Variants in ADORA2B observed in about 807,000 individuals in gnomAD.
ADORA2B encodes adenosine A2b receptor.
Under a neutral mutation model 20.8 loss-of-function variants are expected in ADORA2B, and 18 were observed. That is an observed-to-expected ratio of 0.87 (90% CI 0.60 to 1.29). The LOEUF (loss-of-function observed/expected upper bound fraction) is 1.29, where lower values mean the gene tolerates loss of function less well. Ranked by LOEUF, ADORA2B falls within the 50% of genes most tolerant of loss-of-function variation. ADORA2B has a pLI of 0.00. For synonymous variants in ADORA2B, 179 were observed against 178.3 expected (o/e 1.00, Z -0.03); for missense variants, 441 against 422.7 (o/e 1.04, Z -0.38).
the ADORA2B span, among the ~76,000 whole-genome samples, chr17:15,909,805 G>A: frequency 6.6e-6 from 1 of 152,170 alleles, no homozygotes; most frequent in Non-Finnish European, 1.5e-5. Flanking sequence ...CATCAGCATG[G>A]GAAAAAGAAG....
At chr17:15,952,002 G>A (rs1969910452) in intron 1 of ADORA2B, among the ~76,000 whole-genome samples, 1 of 152,240 alleles carries the variant, frequency 6.6e-6, no homozygotes, top group Non-Finnish European at 1.5e-5. Context: ...GAGCAGCACA[G>A]CCAGGGAAAC....
At chr17:15,937,575 C>A in the ADORA2B span, among the ~76,000 whole-genome samples, 78 of 151,314 alleles carry the variant, frequency 5.2e-4, no homozygotes, top group African/African-American at 1.8e-3. Flanking sequence ...TTTTCCTTTT[C>A]TTTTCTTTTT....
At chr17:15,926,279 TGGCAGG>T in the ADORA2B span, among the ~76,000 whole-genome samples, 22 of 151,942 alleles carry the variant, frequency 1.4e-4, no homozygotes, top group Non-Finnish European at 2.4e-4. Context: ...GCTCACACTC[TGGCAGG>T]GGACGCAGAC....
chr17:15,942,060 G>T (rs939687990), upstream of ADORA2B, among the ~76,000 whole-genome samples: 8 of 152,292 alleles, frequency 5.3e-5, no homozygotes, highest in African/African-American at 1.9e-4. Flanking sequence ...CTGAAACTCA[G>T]TGGACTGCAA....
chr17:15,936,888 C>T, the ADORA2B span, among the ~76,000 whole-genome samples: 8 of 152,218 alleles, frequency 5.3e-5, no homozygotes, highest in Admixed American at 2.0e-4. Flanking sequence ...CCCAGGAGTT[C>T]GAGACTGCAG....
chr17:15,859,347 CAG>C, the ADORA2B span, among the ~76,000 whole-genome samples: 10 of 151,520 alleles, frequency 6.6e-5, no homozygotes, highest in African/African-American at 1.7e-4. Flanking sequence ...GCTGCAGAAA[CAG>C]GGATTAATGG....
the ADORA2B span, among the ~76,000 whole-genome samples, chr17:15,898,556 A>G: frequency 2.7e-5 from 4 of 150,114 alleles, no homozygotes; most frequent in African/African-American, 7.4e-5. Context: ...TTTAGTGGAG[A>G]TGGGGTTTCA....
At chr17:15,887,930 G>A in the ADORA2B span, among the ~76,000 whole-genome samples, 1 of 88,946 alleles carries the variant, frequency 1.1e-5, no homozygotes, top group East Asian at 2.7e-4. Flanking sequence ...CAGCCTGGGC[G>A]ACAGAGAGCC....
intron 1 of ADORA2B, among the ~76,000 whole-genome samples, chr17:15,963,180 G>A (rs1247428280): frequency 6.6e-6 from 1 of 152,106 alleles, no homozygotes; most frequent in African/African-American, 2.4e-5. Flanking sequence ...GAAAAGGAAT[G>A]ATTGAGTTAA....
At chr17:15,954,511 G>A (rs1403481664) in intron 1 of ADORA2B, among the ~76,000 whole-genome samples, 2 of 152,208 alleles carry the variant, frequency 1.3e-5, no homozygotes, top group African/African-American at 4.8e-5. Flanking sequence ...CCTTGGAGTG[G>A]TTCCAGCATT....
the ADORA2B span, among the ~76,000 whole-genome samples, chr17:15,884,283 A>G: frequency 6.6e-6 from 1 of 152,220 alleles, no homozygotes; most frequent in Admixed American, 6.5e-5. Context: ...TTCTGTGATG[A>G]TGGGAATGTT....
Position 15,974,988 on chromosome 17 carries a change from C to T in ADORA2B, c.645C>T (p.Arg215=). ...IFLVACRQLQ[R]TELMDHSRTT... Reference sequence around the variant, plus strand: ...TGGTGGCCTGCAGGCAGCTTCAGCGCACTGAGCTGATGGACCACTCGAGGA... The same window carrying T: ...TGGTGGCCTGCAGGCAGCTTCAGCGTACTGAGCTGATGGACCACTCGAGGA... Residue 215 remains arginine (R), a synonymous_variant, in exon 2 of 2, where the codon CGC becomes CGT. Transcript: ENST00000304222. 3 of 1,614,186 alleles carry T rather than the reference C, an allele frequency of 1.9e-6. No individual in the cohort carries two copies. The highest frequency in any genetic ancestry group is 2.5e-6 in the Non-Finnish European group (3 of 1,180,034).
the ADORA2B span, among the ~76,000 whole-genome samples, chr17:15,895,363 C>T: frequency 6.6e-6 from 1 of 152,122 alleles, no homozygotes; most frequent in Non-Finnish European, 1.5e-5. Flanking sequence ...GTTGGTGAAG[C>T]AGGCTGGACA....
intron 1 of ADORA2B, among the ~76,000 whole-genome samples, chr17:15,963,798 A>G (rs1339140901): frequency 6.6e-6 from 1 of 152,174 alleles, no homozygotes; most frequent in Admixed American, 6.5e-5. Flanking sequence ...AGTGCTGCCA[A>G]CTTTCTTGAC....
At chr17:15,886,557 G>A in the ADORA2B span, among the ~76,000 whole-genome samples, 747 of 130,274 alleles carry the variant, frequency 5.7e-3, 226 homozygotes, top group African/African-American at 0.023. Context: ...GGGCTTAGGG[G>A]GACTGCCAGT....
At chr17:15,858,799 TC>T in the ADORA2B span, 2 of 160,128 alleles carry the variant, frequency 1.2e-5, no homozygotes, top group Admixed American at 6.2e-5. Flanking sequence ...GCTTGAACCT[TC>T]CTGACCTTCC....
chr17:15,936,917 C>G, the ADORA2B span, among the ~76,000 whole-genome samples: 1 of 152,162 alleles, frequency 6.6e-6, no homozygotes, highest in African/African-American at 2.4e-5. Flanking sequence ...GATTGTGCCA[C>G]TGCACTCCAG....
chr17:15,964,875 C>G (rs575952349), intron 1 of ADORA2B, among the ~76,000 whole-genome samples: 13 of 151,930 alleles, frequency 8.6e-5, no homozygotes, highest in African/African-American at 2.9e-4. Context: ...TCCTGGCTAA[C>G]ACGGTGAAAC....
chr17:15,888,396 A>G, the ADORA2B span, among the ~76,000 whole-genome samples: 1 of 128,482 alleles, frequency 7.8e-6, no homozygotes, highest in African/African-American at 3.3e-5. Context: ...CACACACCCC[A>G]GGAGCCTCAG....
Sources: allele counts gnomAD v4.1 joint callset (sites outside exome capture counted in the v4.1 genomes callset), GRCh38; gene constraint gnomAD v4.1.1; transcripts MANE v1.5; gene names NCBI Gene and HGNC (gene_info 2026-07-23, HGNC 2026-07-21).